RUFY3: variants seen among roughly 807,000 people sequenced by gnomAD.
The protein encoded by RUFY3 is protein RUFY3.
Under a neutral mutation model 84.0 loss-of-function variants are expected in RUFY3, and 34 were observed. The ratio of observed to expected loss-of-function variants is 0.40; its 90% confidence interval spans 0.31 to 0.54. The LOEUF is 0.54. RUFY3 is among the 20% of genes least tolerant of loss of function. The probability of loss-of-function intolerance (pLI) is 0.39; values close to 1 mark genes in which losing one functional copy is unlikely to be tolerated. For missense variants in RUFY3, 507 were observed against 736.8 expected, an observed-to-expected ratio of 0.69 and a Z score of 3.61; for synonymous variants, 242 against 252.9, an observed-to-expected ratio of 0.96 and a Z score of 0.41.
chr4:70,788,900 A>G lies in RUFY3; in HGVS notation c.1166A>G (p.Asp389Gly). 6.2e-7 allele frequency: 1 copy of G among 1,614,190 alleles called. No individual in the cohort carries two copies. ...GAGAAGGATGTCTGTGAGAAGCAGG[A>G]TGCCCTGGTATCTCTTCGGCAGCAG... ...MLEKDVCEKQ[D>G]ALVSLRQQLD... The change falls in exon 11 of 18, where the codon GAT (aspartate) becomes GGT (glycine). Residue 389 changes from aspartate (D) to glycine (G), a missense_variant. Physicochemically the swap from Asp to Gly is moderately conservative, Grantham distance 94. This residue lies in a region of RUFY3 where 334 missense variants were observed against 364.1 expected (regional missense o/e 0.92). Coordinates refer to ENST00000381006, the MANE Select transcript of RUFY3 (RefSeq NM_001037442.4).
In RUFY3 at chr4:70,783,135, G is replaced by A. The variant is rs1313073697; in HGVS notation, c.939G>A (p.Met313Ile). ...GGATCATTACCTTACAAGAAGAAAT[G>A]GAACGAGTTAAAGAGGAAAGTTCCT... ...NNRIITLQEEMERVKEESSYI... is the reference protein window; with the variant it reads ...NNRIITLQEEIERVKEESSYI... Residue 313 changes from methionine (M) to isoleucine (I), a missense_variant, in exon 9 of 18, where the codon ATG (methionine) becomes ATA (isoleucine). Transcript: ENST00000381006. 4 of 1,612,094 alleles carry A rather than the reference G, an allele frequency of 2.5e-6. No individual in the cohort carries two copies. Among genetic ancestry groups the A allele is most frequent in the Non-Finnish European group, 2.5e-6 (3 of 1,178,716 alleles).
At chr4:70,733,136 GGGA>G (rs1719691866) in intron 1 of RUFY3, among the ~76,000 whole-genome samples, 8 of 116,210 alleles carry the variant, frequency 6.9e-5, no homozygotes, top group South Asian at 6.0e-4. Context: ...GAGGGAGGGA[GGGA>G]GAGAGAGAGA....
intron 1 of RUFY3, among the ~76,000 whole-genome samples, chr4:70,735,765 T>A (rs1720174568): frequency 6.6e-6 from 1 of 151,906 alleles, no homozygotes; most frequent in African/African-American, 2.4e-5. Context: ...GGCGGGTGGA[T>A]CACCTGAGGT....
intron 1 of RUFY3, among the ~76,000 whole-genome samples, chr4:70,708,772 C>T (rs1357267493): frequency 1.3e-5 from 2 of 152,048 alleles, no homozygotes; most frequent in Non-Finnish European, 2.9e-5. Context: ...GAGACTGGAA[C>T]GGTGGCTCAA....
chr4:70,722,645 G>A lies in RUFY3; in HGVS notation c.72G>A (p.Glu24=). The change falls in exon 1 of 18, where the codon GAG becomes GAA. Residue 24 remains glutamate, a synonymous_variant. Coordinates refer to ENST00000381006, the MANE Select transcript of RUFY3 (RefSeq NM_001037442.4). ...TTDKITQAAM[E]TIYLCKFRVS... is the part of the protein sequence containing the mutation. ...ACAAGATCACACAGGCTGCCATGGAGACCATCTACCTTTGCAAATTCCGAG... is the reference window on the plus strand; with the variant it reads ...ACAAGATCACACAGGCTGCCATGGAAACCATCTACCTTTGCAAATTCCGAG... The A allele has an allele frequency of 6.2e-7, 1 of 1,614,038 alleles. No individual in the cohort carries two copies. Among genetic ancestry groups the A allele is most frequent in the Non-Finnish European group, 8.5e-7 (1 of 1,180,012 alleles).
chr4:70,754,245 G>T (rs907220080), intron 1 of RUFY3, among the ~76,000 whole-genome samples: 3 of 152,040 alleles, frequency 2.0e-5, no homozygotes, highest in South Asian at 4.2e-4. Flanking sequence ...TAGAGATGGG[G>T]CTTCCCCATG....
intron 4 of RUFY3, among the ~76,000 whole-genome samples, chr4:70,765,955 G>A (rs1445293811): frequency 1.3e-5 from 2 of 151,908 alleles, no homozygotes; most frequent in African/African-American, 2.4e-5. Context: ...TAGAGACGGG[G>A]TTTCACCGTG....
At position 70,722,727 on chromosome 4, in the gene RUFY3, C is replaced by T. The variant is rs770873238; in HGVS notation, c.154C>T (p.Pro52Ser). ...AGAGCTGGATGACATCTCACTTACACCTGACCCAGAGCCTACCCATGAAGG... is the reference window on the plus strand; with the variant it reads ...AGAGCTGGATGACATCTCACTTACATCTGACCCAGAGCCTACCCATGAAGG... ...LRELDDISLTPDPEPTHEDPN... is the reference protein window; with the variant it reads ...LRELDDISLTSDPEPTHEDPN... Residue 52 changes from proline to serine, a missense_variant, in exon 1 of 18, where the codon CCT (proline) becomes TCT (serine). Pro to Ser is a moderately conservative substitution (Grantham distance 74). Coordinates refer to ENST00000381006, the MANE Select transcript of RUFY3 (RefSeq NM_001037442.4). 2 of 1,614,070 alleles carry T rather than the reference C, an allele frequency of 1.2e-6. No homozygotes were observed. Among genetic ancestry groups the T allele is most frequent in the South Asian group, 1.1e-5 (1 of 91,084 alleles).
intron 15 of RUFY3, 190 bp from the exon 16 acceptor site, chr4:70,802,766 C>G (rs1304949748): frequency 1.9e-5 from 9 of 471,014 alleles, no homozygotes; most frequent in Non-Finnish European, 3.4e-5. Context: ...TCTAGTGATT[C>G]ATTTTAAGAA....
Position 70,722,278 on chromosome 4 carries a change from G to T in RUFY3, c.-296G>T, listed in dbSNP as rs35350925. 0.035 allele frequency: 43,485 copies of T among 1,233,912 alleles called. 861 individuals carry two copies. Among genetic ancestry groups the T allele is most frequent in the Non-Finnish European group, 0.04 (39,397 of 989,708 alleles). The allele number at this position is 1,233,912 out of a possible 1,614,324, so 76.4% of individuals were successfully genotyped here. ...GCTGAAAAAAAAGGTGGGGGGCAGG[G>T]AAGGGAAGATAAAAGGAGAGGAAGC... On this transcript the variant is annotated 5_prime_UTR_variant, in exon 1 of 18. Transcript: ENST00000381006.
At chr4:70,780,953 T>G (rs780929280) in intron 8 of RUFY3, among the ~76,000 whole-genome samples, 3 of 151,972 alleles carry the variant, frequency 2.0e-5, no homozygotes, top group Non-Finnish European at 4.4e-5. Context: ...ATTTTGGGTT[T>G]AAGAAAGCCA....
At position 70,736,132 on chromosome 4, in the gene RUFY3, G is replaced by A. The variant is rs115993539; in HGVS notation, c.178+13381G>A. Among the ~76,000 whole-genome samples, 357 of 147,818 alleles carry A rather than the reference G, an allele frequency of 2.4e-3. 1 individual carries two copies. The highest frequency in any genetic ancestry group is 8.6e-3 in the African/African-American group (343 of 39,980). On this transcript the variant is annotated intron_variant, in intron 1 of 17. Transcript: ENST00000381006. The stretch of plus-strand genomic sequence containing the variant: ...TTGCGCCACAGTGCTCCACTGGGTG[G>A]CAGAGTTCAGACCCTGTCTCAAAAA...
chr4:70,783,981 T>G (rs1241493356), intron 9 of RUFY3, among the ~76,000 whole-genome samples: 1 of 152,212 alleles, frequency 6.6e-6, no homozygotes, highest in Non-Finnish European at 1.5e-5. Context: ...CCATAGTTAT[T>G]AAAATTGTTC....
chr4:70,765,023 T>TA (rs1318398670), intron 4 of RUFY3, among the ~76,000 whole-genome samples: 1 of 151,454 alleles, frequency 6.6e-6, no homozygotes, highest in African/African-American at 2.4e-5. Flanking sequence ...CTATCTCTAC[T>TA]AAAAAAATAT....
chr4:70,800,057 T>A, intron 14 of RUFY3, 84 bp from the exon 15 acceptor site: 1 of 1,307,828 alleles, frequency 7.6e-7, no homozygotes, highest in Non-Finnish European at 1.1e-6. Flanking sequence ...ATACCCAAAC[T>A]AAGGCATTGC....
rs1276036158 is a variant in RUFY3, at chr4:70,775,242, T to C, written c.824+9T>C. ...CTGAACAGACATTTGAAGTAAATAATGAATAAATATATTACTTTACTGGGG... is the reference window on the plus strand; with the variant it reads ...CTGAACAGACATTTGAAGTAAATAACGAATAAATATATTACTTTACTGGGG... On this transcript the variant is annotated intron_variant, in intron 7 of 17. Coordinates refer to ENST00000381006, the MANE Select transcript of RUFY3 (RefSeq NM_001037442.4). 3 of 1,522,378 alleles carry C rather than the reference T, an allele frequency of 2.0e-6. No homozygotes were observed. In the Admixed American group the frequency reaches 5.2e-5, roughly 26 times the overall value. 94.3% of individuals were successfully genotyped at this position (1,522,378 alleles called of 1,614,324 possible). A position where few individuals can be genotyped will look rare whatever the true frequency, so the allele number is the denominator to read the frequency against.
intron 1 of RUFY3, among the ~76,000 whole-genome samples, chr4:70,723,717 G>A (rs188503776): frequency 6.6e-6 from 1 of 152,244 alleles, no homozygotes; most frequent in African/African-American, 2.4e-5. Context: ...GCTTGCATAT[G>A]AGGAGAAATT....
intron 7 of RUFY3, among the ~76,000 whole-genome samples, chr4:70,777,416 T>C (rs1161588290): frequency 1.3e-5 from 2 of 152,248 alleles, no homozygotes; most frequent in African/African-American, 2.4e-5. Context: ...TCATTAATTA[T>C]CTTGTTTGTA....
At chr4:70,787,411 C>A (rs1361167428) in intron 10 of RUFY3, among the ~76,000 whole-genome samples, 1 of 151,218 alleles carries the variant, frequency 6.6e-6, no homozygotes, top group African/African-American at 2.4e-5. Flanking sequence ...GCGCCTGCCA[C>A]CACACCCAGC....
Sources: allele counts gnomAD v4.1 joint callset (sites outside exome capture counted in the v4.1 genomes callset), GRCh38; gene constraint gnomAD v4.1.1; regional missense constraint gnomAD v4.1.1; transcripts MANE v1.5; gene names NCBI Gene and HGNC (gene_info 2026-07-23, HGNC 2026-07-21).